Variants in QSER1 observed in about 807,000 individuals in gnomAD.
The protein encoded by QSER1 is glutamine and serine-rich protein 1.
In QSER1, 49 loss-of-function variants were observed where a neutral mutation model predicts 158.5. The ratio of observed to expected loss-of-function variants is 0.31; its 90% CI spans 0.25 to 0.39. The LOEUF (loss-of-function observed/expected upper bound fraction) is 0.39. Among genes scored for constraint, QSER1 ranks in the 10% least tolerant of loss-of-function variants. The probability of loss-of-function intolerance (pLI) is 1.00; values close to 1 mark genes in which losing one functional copy is unlikely to be tolerated. For missense variants in QSER1, 1,754 were observed against 2,010.3 expected (o/e 0.87, Z 2.44); for synonymous variants, 650 against 715.5 (o/e 0.91, Z 1.46).
chr11:32,937,780 C>A (rs1240368819), intron 4 of QSER1, among the ~76,000 whole-genome samples: 7 of 152,200 alleles, frequency 4.6e-5, no homozygotes, highest in Non-Finnish European at 8.8e-5. Context: ...TCTGCTGTGA[C>A]AATTGAATTT....
At chr11:32,923,620 G>A (rs560824037) in intron 1 of QSER1, among the ~76,000 whole-genome samples, 5 of 151,214 alleles carry the variant, frequency 3.3e-5, no homozygotes, top group South Asian at 2.1e-4. Context: ...GGAGGTTGTG[G>A]TGAGCCGAGA....
At position 32,932,223 on chromosome 11, in the gene QSER1, A is replaced by G; in HGVS notation, c.965A>G (p.Gln322Arg). The change falls in exon 4 of 13, where the codon CAG becomes CGG. Residue 322 changes from glutamine (Q) to arginine (R), a missense_variant. Gln to Arg is a conservative substitution (Grantham distance 43). This residue lies in a region of QSER1 where 1,707 missense variants were observed against 1,919.6 expected (regional missense o/e 0.89). Transcript: ENST00000650167. ...LRECSVIKHHQRPSGTQSIQA... is the reference protein window; with the variant it reads ...LRECSVIKHHRRPSGTQSIQA... ...GAATGTAGTGTTATTAAACACCATC[A>G]GCGGCCTTCAGGTACCCAGTCAATT... is the stretch of plus-strand genomic sequence containing the variant. 6.2e-7 allele frequency: 1 copy of G among 1,614,184 alleles called. No individual in the cohort carries two copies. The highest frequency in any genetic ancestry group is 8.5e-7 in the Non-Finnish European group (1 of 1,180,026).
At chr11:32,973,575 A>C in intron 11 of QSER1, 26 bp downstream of exon 11, 1 of 1,561,712 alleles carries the variant, frequency 6.4e-7, no homozygotes, top group Non-Finnish European at 8.7e-7. Context: ...TATTAATGTA[A>C]CTATACCTTT....
chr11:32,952,802 T>C (rs1005383603), intron 4 of QSER1, among the ~76,000 whole-genome samples: 22 of 150,178 alleles, frequency 1.5e-4, no homozygotes, highest in Non-Finnish European at 3.0e-4. Flanking sequence ...TCTTCCCAAG[T>C]CTTTTTTTTT....
chr11:32,960,698 T>C (rs1202528180), intron 8 of QSER1, among the ~76,000 whole-genome samples: 2 of 152,264 alleles, frequency 1.3e-5, no homozygotes, highest in Non-Finnish European at 2.9e-5. Context: ...TTGTTCTGAA[T>C]TTGCTCTCAA....
At chr11:32,911,615 G>T (rs1029026603) in intron 1 of QSER1, among the ~76,000 whole-genome samples, 1 of 152,070 alleles carries the variant, frequency 6.6e-6, no homozygotes, top group Non-Finnish European at 1.5e-5. Context: ...CTGTTCTCAC[G>T]ATAGTAAAGG....
chr11:32,954,370 G>C (rs1194034844), intron 5 of QSER1, among the ~76,000 whole-genome samples, 191 bp downstream of exon 5: 2 of 152,150 alleles, frequency 1.3e-5, no homozygotes, highest in Non-Finnish European at 2.9e-5. Context: ...CCTTAACTTA[G>C]TTGTACGTAT....
Position 32,958,080 on chromosome 11 carries a change from G to A in QSER1, c.4963G>A (p.Asp1655Asn), listed in dbSNP as rs748925771. 8.1e-6 allele frequency: 13 copies of A among 1,613,112 alleles called. No homozygotes were observed. The highest frequency in any genetic ancestry group is 2.2e-5 in the East Asian group (1 of 44,874). ...SPEIHTSSSDDEEFEPPAPFV... is the reference protein window; with the variant it reads ...SPEIHTSSSDNEEFEPPAPFV... ...TGAGATCCATACTAGTAGTAGTGAC[G>A]ATGAGGGTGAGTTTTCCGTGAAATG... Residue 1655 changes from aspartate to asparagine, a missense_variant, in exon 8 of 13, where the codon GAT becomes AAT. Asp to Asn is a conservative substitution (Grantham distance 23, BLOSUM62 1). Transcript: ENST00000650167.
At chr11:32,894,433 C>T (rs1435251575) in intron 1 of QSER1, among the ~76,000 whole-genome samples, 2 of 152,196 alleles carry the variant, frequency 1.3e-5, no homozygotes, top group African/African-American at 2.4e-5. Flanking sequence ...TGACTTCATC[C>T]TCAGCTACCA....
intron 1 of QSER1, among the ~76,000 whole-genome samples, chr11:32,901,252 G>A (rs1417711327): frequency 1.3e-5 from 2 of 152,152 alleles, no homozygotes; most frequent in African/African-American, 4.8e-5. Flanking sequence ...TAGCATATAG[G>A]ATAGCATATA....
At chr11:32,914,060 A>T (rs970277276) in intron 1 of QSER1, among the ~76,000 whole-genome samples, 5 of 152,248 alleles carry the variant, frequency 3.3e-5, no homozygotes, top group African/African-American at 1.2e-4. Context: ...CAAAGATTTT[A>T]AAATATTTGG....
Position 32,932,517 on chromosome 11 carries a change from C to A in QSER1, c.1259C>A (p.Ser420Ter), listed in dbSNP as rs1564933817. ...TGTTCTACAGAACAACCACTGACAT[C>A]AACCAAGACCCCTAAACCTCAAAGT... ...KSCSTEQPLT[S>*]TKTPKPQSII... The change falls in exon 4 of 13, where the codon TCA becomes TAA. Residue 420 changes from serine (S) to a stop codon, truncating the protein, a stop_gained. Transcript: ENST00000650167. LOFTEE classifies it high-confidence loss of function. 1 of 1,614,136 alleles carries A rather than the reference C, an allele frequency of 6.2e-7. No individual in the cohort carries two copies. The highest frequency in any genetic ancestry group is 8.5e-7 in the Non-Finnish European group (1 of 1,180,006).
At chr11:32,916,991 T>C (rs1405609496) in intron 1 of QSER1, among the ~76,000 whole-genome samples, 2 of 152,252 alleles carry the variant, frequency 1.3e-5, no homozygotes, top group Non-Finnish European at 2.9e-5. Context: ...TTTGCCATGC[T>C]GGCCAGGCTG....
At chr11:32,919,361 C>T (rs763221275) in intron 1 of QSER1, among the ~76,000 whole-genome samples, 1 of 152,176 alleles carries the variant, frequency 6.6e-6, no homozygotes, top group Non-Finnish European at 1.5e-5. Flanking sequence ...CTGGCCTCAA[C>T]CTCTTATTAC....
intron 8 of QSER1, among the ~76,000 whole-genome samples, chr11:32,958,399 T>C (rs534021678): frequency 1.3e-5 from 2 of 152,238 alleles, no homozygotes; most frequent in South Asian, 4.1e-4. Context: ...AAACTTTTTT[T>C]TTTTTTGAGA....
intron 4 of QSER1, among the ~76,000 whole-genome samples, chr11:32,941,212 TTTATTATTATTA>T (rs144498391): frequency 6.8e-6 from 1 of 146,462 alleles, no homozygotes; most frequent in East Asian, 2.0e-4. Context: ...AGTTTTTGTT[TTTATTATTATTA>T]TTATTATTAT....
At chr11:32,948,134 A>G (rs980118943) in intron 4 of QSER1, among the ~76,000 whole-genome samples, 3 of 152,230 alleles carry the variant, frequency 2.0e-5, no homozygotes, top group Non-Finnish European at 4.4e-5. Flanking sequence ...ACCCTTCCAA[A>G]TAACTCTTGG....
intron 11 of QSER1, among the ~76,000 whole-genome samples, chr11:32,974,150 A>G (rs1852926969): frequency 6.6e-6 from 1 of 152,190 alleles, no homozygotes; most frequent in Admixed American, 6.5e-5. Context: ...GCTAAGCACA[A>G]TGGCTCAAGC....
At chr11:32,927,601 G>A (rs529371650) in intron 2 of QSER1, among the ~76,000 whole-genome samples, 33 of 152,206 alleles carry the variant, frequency 2.2e-4, no homozygotes, top group African/African-American at 7.5e-4. Flanking sequence ...TAGAGGCGGG[G>A]TTTCACCATA....
Sources: gnomAD v4.1 joint callset for allele counts (sites outside exome capture counted in the v4.1 genomes callset) on GRCh38, gnomAD v4.1.1 for gene constraint, gnomAD v4.1.1 regional missense constraint, MANE v1.5 for transcripts, NCBI Gene and HGNC (gene_info 2026-07-23, HGNC 2026-07-21) for gene names.